The following GPHN variants were observed in gnomAD, a reference collection of about 807,000 sequenced individuals.
GPHN encodes the protein gephyrin.
A neutral mutation model predicts 95.5 loss-of-function variants in GPHN; 17 were observed. That is an observed-to-expected ratio of 0.18 (90% confidence interval 0.12 to 0.27). The LOEUF (loss-of-function observed/expected upper bound fraction) is 0.27, where lower values mean the gene tolerates loss of function less well. Among genes scored for constraint, GPHN ranks in the 10% least tolerant of loss-of-function variants. The probability of loss-of-function intolerance (pLI) is 1.00; values close to 1 mark genes in which losing one functional copy is unlikely to be tolerated. For synonymous variants in GPHN, 320 were observed against 322.5 expected (o/e 0.99, Z 0.08); for missense variants, 660 against 978.1 (o/e 0.67, Z 4.34).
chr14:67,395,427 T>C, the GPHN span: 1 of 1,613,958 alleles, frequency 6.2e-7, no homozygotes. Flanking sequence ...GGGGGCAGCT[T>C]GAAGGAGTTT....
Position 66,779,574 on chromosome 14 carries a change from T to A in GPHN, c.201+3053T>A, listed in dbSNP as rs17103708. ...TAAAATGTGTGTTAACTGATGAAGA[T>A]AAACCAAGAGTTTTATGGAAATACA... On this transcript the variant is annotated intron_variant, in intron 3 of 22. Transcript: ENST00000478722. Among the ~76,000 whole-genome samples the A allele has an allele frequency of 3.0e-3, 454 of 152,208 alleles. 3 individuals carry two copies. The highest frequency in any genetic ancestry group is 0.01 in the African/African-American group (436 of 41,534).
chr14:66,895,024 T>C (rs559663453), intron 5 of GPHN, among the ~76,000 whole-genome samples: 55 of 151,630 alleles, frequency 3.6e-4, no homozygotes, highest in African/African-American at 1.2e-3. Context: ...ACCCAAAGGA[T>C]TATAAATCAT....
chr14:66,837,278 G>A (rs1383858015), intron 4 of GPHN, among the ~76,000 whole-genome samples: 1 of 151,600 alleles, frequency 6.6e-6, no homozygotes, highest in Non-Finnish European at 1.5e-5. Context: ...AAAATGATGA[G>A]TTCATGTCCT....
the GPHN span, among the ~76,000 whole-genome samples, chr14:67,556,498 G>A: frequency 6.6e-6 from 1 of 151,990 alleles, no homozygotes; most frequent in African/African-American, 2.4e-5. Flanking sequence ...GGCTGGTCTT[G>A]AACTCCTGGG....
chr14:66,613,751 G>C (rs2153293699), intron 1 of GPHN, among the ~76,000 whole-genome samples: 1 of 152,030 alleles, frequency 6.6e-6, no homozygotes, highest in African/African-American at 2.4e-5. Flanking sequence ...GATTGTATAT[G>C]TTCTTATTTT....
the GPHN span, chr14:67,221,664 A>G: frequency 6.7e-7 from 1 of 1,498,058 alleles, no homozygotes; most frequent in Non-Finnish European, 9.0e-7. Context: ...AACGTGTTTC[A>G]TTACTACCCA....
chr14:66,560,214 G>A lies in GPHN; in HGVS notation c.64+51623G>A, dbSNP rs373261095. Among the ~76,000 whole-genome samples, 166 of 152,170 alleles carry A rather than the reference G, an allele frequency of 1.1e-3. 4 individuals carry two copies. In the South Asian group the frequency reaches 0.033, roughly 31 times the overall value. On this transcript the variant is annotated intron_variant, in intron 1 of 22. Coordinates refer to ENST00000478722, the MANE Select transcript of GPHN (RefSeq NM_020806.5). The stretch of plus-strand genomic sequence containing the variant: ...GTTCTTTTGGCTTAGGATTGACTTG[G>A]CAATGCGGGCTCTTTTTTGGTTCCA...
chr14:66,547,349 G>C (rs2059641111), intron 1 of GPHN, among the ~76,000 whole-genome samples: 1 of 152,082 alleles, frequency 6.6e-6, no homozygotes. Context: ...TTGTGGAATC[G>C]ATCTTTCCAA....
intron 2 of GPHN, among the ~76,000 whole-genome samples, chr14:66,682,187 A>T (rs546136599): frequency 6.6e-6 from 1 of 152,184 alleles, no homozygotes; most frequent in African/African-American, 2.4e-5. Flanking sequence ...TTCCAAGTCT[A>T]CCTCTCTCCA....
At chr14:66,941,147 G>A (rs2067405696) in intron 8 of GPHN, among the ~76,000 whole-genome samples, 1 of 151,922 alleles carries the variant, frequency 6.6e-6, no homozygotes, top group Non-Finnish European at 1.5e-5. Context: ...AACATGCAGG[G>A]TTAGTCTAAA....
the GPHN span, among the ~76,000 whole-genome samples, chr14:67,669,099 T>C: frequency 1.3e-5 from 2 of 152,164 alleles, no homozygotes; most frequent in African/African-American, 4.8e-5. Context: ...CCCTGTGAAG[T>C]AGATACTATG....
chr14:67,700,578 G>C, the GPHN span, among the ~76,000 whole-genome samples: 1 of 151,930 alleles, frequency 6.6e-6, no homozygotes, highest in East Asian at 1.9e-4. Flanking sequence ...AGCCGGGCGT[G>C]GTGGCGGGCG....
chr14:67,412,950 G>GCTAT, the GPHN span, among the ~76,000 whole-genome samples: 1 of 152,120 alleles, frequency 6.6e-6, no homozygotes, highest in Admixed American at 6.5e-5. Context: ...TTTTCGTAGA[G>GCTAT]ATAGGGTGTT....
chr14:67,080,523 A>G (rs1272873319), intron 11 of GPHN, among the ~76,000 whole-genome samples: 2 of 151,778 alleles, frequency 1.3e-5, no homozygotes, highest in African/African-American at 4.8e-5. Flanking sequence ...GTTTTCTTCT[A>G]GTTTTATAGT....
chr14:67,501,663 G>T, the GPHN span, among the ~76,000 whole-genome samples: 1 of 152,228 alleles, frequency 6.6e-6, no homozygotes, highest in African/African-American at 2.4e-5. Context: ...TGTTTGAAGA[G>T]CCCAAAGACC....
intron 10 of GPHN, among the ~76,000 whole-genome samples, chr14:67,037,837 C>T (rs1380856948): frequency 6.6e-6 from 1 of 151,406 alleles, no homozygotes; most frequent in African/African-American, 2.4e-5. Context: ...AATTGGAACC[C>T]TTGTGCCCTG....
the GPHN span, among the ~76,000 whole-genome samples, chr14:67,629,615 G>A: frequency 6.6e-6 from 1 of 152,108 alleles, no homozygotes; most frequent in South Asian, 2.1e-4. Flanking sequence ...TGGTAGTGAT[G>A]GTAGTGTCCA....
At chr14:67,610,469 G>T in the GPHN span, among the ~76,000 whole-genome samples, 1 of 152,132 alleles carries the variant, frequency 6.6e-6, no homozygotes, top group Non-Finnish European at 1.5e-5. Flanking sequence ...TGTGGTAGGG[G>T]CTTGAACATA....
At chr14:67,123,370 A>G (rs959097829) in intron 17 of GPHN, among the ~76,000 whole-genome samples, 5 of 152,242 alleles carry the variant, frequency 3.3e-5, no homozygotes, top group African/African-American at 1.2e-4. Flanking sequence ...CACACTGGAC[A>G]TAGTCTAACC....
Sources: gnomAD v4.1 joint callset for allele counts (sites outside exome capture counted in the v4.1 genomes callset) on GRCh38, gnomAD v4.1.1 for gene constraint, MANE v1.5 for transcripts, NCBI Gene and HGNC (gene_info 2026-07-23, HGNC 2026-07-21) for gene names.